The following PTTG1IP variants were observed in gnomAD, a reference collection of about 807,000 sequenced individuals.
PTTG1IP encodes the protein pituitary tumor-transforming gene 1 protein-interacting protein.
Under a neutral mutation model 24.4 loss-of-function variants are expected in PTTG1IP, and 16 were observed. The observed-to-expected ratio is 0.66, with a 90% CI of 0.44 to 1.00. The LOEUF is 1.00. Ranked by LOEUF, PTTG1IP falls within the 50% of genes least tolerant of loss-of-function variation. The pLI, the probability that PTTG1IP is intolerant of heterozygous loss-of-function variation, is 0.00. For synonymous variants in PTTG1IP, 89 were observed against 96.8 expected, an observed-to-expected ratio of 0.92 and a Z score of 0.47; for missense variants, 241 against 245.8, an observed-to-expected ratio of 0.98 and a Z score of 0.13.
rs1280195375 is a variant in PTTG1IP at position 44,855,156 on chromosome 21, A to C, written c.496+54T>G. 2.0e-6 allele frequency: 3 copies of C among 1,535,462 alleles called. No individual in the cohort carries two copies. The Admixed American group carries it at 5.0e-5, about 26-fold the overall frequency. On this transcript the variant is annotated intron_variant, in intron 5 of 5. Transcript: ENST00000330938. Reference sequence around the variant, plus strand: ...CACACTGGCACTAACGAGGACCGAGACAGCGTGCCATCGCCTCCCAACCAG... The same window carrying C: ...CACACTGGCACTAACGAGGACCGAGCCAGCGTGCCATCGCCTCCCAACCAG...
In PTTG1IP at chr21:44,868,296, A is replaced by G. The variant is rs2083558719; in HGVS notation, c.116-2849T>C. ...GGGCAAAGACCCCCGTGGTGCTGCA[A>G]TGTGACGGGCACCATGATGAACTCT... On this transcript the variant is annotated intron_variant, in intron 1 of 5. Transcript: ENST00000330938. 1.3e-5 allele frequency among the ~76,000 whole-genome samples: 2 copies of G among 152,220 alleles called. 1 individual carries two copies. Among genetic ancestry groups the G allele is most frequent in the South Asian group, 4.1e-4 (2 of 4,826 alleles).
At chr21:44,860,175 T>C (rs2083479280) in intron 3 of PTTG1IP, among the ~76,000 whole-genome samples, 1 of 152,150 alleles carries the variant, frequency 6.6e-6, no homozygotes, top group Non-Finnish European at 1.5e-5. Context: ...GAGACCATCC[T>C]GGCTAACACA....
intron 4 of PTTG1IP, among the ~76,000 whole-genome samples, chr21:44,855,742 C>T (rs1046823191): frequency 1.3e-5 from 2 of 152,000 alleles, no homozygotes; most frequent in Admixed American, 1.3e-4. Context: ...GTGTGGATTA[C>T]ACCACCTCCT....
At chr21:44,854,032 G>A (rs143828694) in intron 5 of PTTG1IP, among the ~76,000 whole-genome samples, 2,112 of 152,224 alleles carry the variant, frequency 0.014, 23 homozygotes, top group Non-Finnish European at 0.022. Flanking sequence ...GCCACCCAGC[G>A]TTTACAGTCC....
chr21:44,853,060 G>A (rs151238913), intron 5 of PTTG1IP, among the ~76,000 whole-genome samples: 1,548 of 152,334 alleles, frequency 0.01, 14 homozygotes, highest in Non-Finnish European at 0.015. Context: ...GAGCCTGGCC[G>A]GCCACCCACA....
intron 5 of PTTG1IP, among the ~76,000 whole-genome samples, chr21:44,853,872 G>A (rs1335893239): frequency 6.6e-6 from 1 of 152,224 alleles, no homozygotes; most frequent in Non-Finnish European, 1.5e-5. Flanking sequence ...GCATCTCGAG[G>A]CCAGCAGCCA....
intron 2 of PTTG1IP, among the ~76,000 whole-genome samples, chr21:44,862,272 G>C (rs2083498282): frequency 6.6e-6 from 1 of 152,254 alleles, no homozygotes; most frequent in Non-Finnish European, 1.5e-5. Context: ...TGTAATCCCA[G>C]CACTTTGGGA....
At position 44,872,688 on chromosome 21, in the gene PTTG1IP, G is replaced by C. The variant is rs773689094; in HGVS notation, c.115+814C>G. On this transcript the variant is annotated intron_variant, in intron 1 of 5. Transcript: ENST00000330938. ...AAACACTGCCGGTTTCTGGAACTCT[G>C]AGTCTCCTGTCATGCACTTTCCTCC... 2.0e-5 allele frequency among the ~76,000 whole-genome samples: 3 copies of C among 152,224 alleles called. No individual in the cohort carries two copies. In the South Asian group the frequency reaches 6.2e-4, roughly 32 times the overall value.
intron 5 of PTTG1IP, among the ~76,000 whole-genome samples, chr21:44,852,188 T>A (rs564172024): frequency 2.0e-4 from 30 of 152,060 alleles, no homozygotes; most frequent in Non-Finnish European, 3.2e-4. Context: ...CCTTTATTTT[T>A]TATTTTTTTT....
chr21:44,856,264 G>C lies in PTTG1IP; in HGVS notation c.378C>G (p.Ser126Arg). 6.2e-7 allele frequency: 1 copy of C among 1,614,072 alleles called. No homozygotes were observed. The highest frequency in any genetic ancestry group is 8.5e-7 in the Non-Finnish European group (1 of 1,179,990). The change falls in exon 4 of 6, where the codon AGC (serine) becomes AGG (arginine). Residue 126 changes from serine (S) to arginine (R), a missense_variant. Transcript: ENST00000330938. The stretch of plus-strand genomic sequence containing the variant: ...TCTCCTCACTCCTGTCCGGCTTCCG[G>C]CTCCTCTTCCTCCTGCAGCAGCAGC... Reference protein sequence around the residue: ...CCCCCCRRKRSRKPDRSEEKA... With the variant: ...CCCCCCRRKRRRKPDRSEEKA...
At chr21:44,859,178 C>A (rs1320182952) in intron 3 of PTTG1IP, among the ~76,000 whole-genome samples, 5 of 152,182 alleles carry the variant, frequency 3.3e-5, no homozygotes, top group African/African-American at 1.2e-4. Flanking sequence ...CGGGCACATG[C>A]TGAATAAAAC....
At chr21:44,853,419 A>T (rs1255138757) in intron 5 of PTTG1IP, among the ~76,000 whole-genome samples, 9 of 151,618 alleles carry the variant, frequency 5.9e-5, no homozygotes, top group African/African-American at 9.7e-5. Flanking sequence ...GAGGCAGAAG[A>T]ATGGTGTGAA....
intron 4 of PTTG1IP, 120 bp from the exon 5 acceptor site, chr21:44,855,376 G>C (rs1213782135): frequency 9.6e-7 from 1 of 1,039,218 alleles, no homozygotes; most frequent in African/African-American, 1.6e-5. Flanking sequence ...CTTCCCTCCA[G>C]TTCCCAGAGT....
chr21:44,854,527 C>A (rs1262633517), intron 5 of PTTG1IP, among the ~76,000 whole-genome samples: 2 of 152,144 alleles, frequency 1.3e-5, no homozygotes, highest in Non-Finnish European at 2.9e-5. Flanking sequence ...AGACTCTTTG[C>A]GGACTTTAAA....
chr21:44,855,304 G>C lies in PTTG1IP; in HGVS notation c.450-48C>G, dbSNP rs748577309. ...GAGCACCAAACGACAGCGCACGGTGGTGTAACTGCTAGACACGCCCTTCCG... is the reference window on the plus strand; with the variant it reads ...GAGCACCAAACGACAGCGCACGGTGCTGTAACTGCTAGACACGCCCTTCCG... On this transcript the variant is annotated intron_variant, in intron 4 of 5. Coordinates refer to ENST00000330938, the MANE Select transcript of PTTG1IP (RefSeq NM_004339.4). 4.0e-5 allele frequency: 62 copies of C among 1,561,346 alleles called. 1 individual carries two copies. In the South Asian group the frequency reaches 6.8e-4, roughly 17 times the overall value.
In PTTG1IP at chr21:44,851,582, T is replaced by C. The variant is rs139820526; in HGVS notation, c.542A>G (p.Ter181=). Residue 181 remains the stop codon, a stop_retained_variant, in exon 6 of 6, where the codon TAA becomes TGA. Coordinates refer to ENST00000330938, the MANE Select transcript of PTTG1IP (RefSeq NM_004339.4). The stretch of plus-strand genomic sequence containing the variant: ...TCGGGACTGATGTGCTGGAGCGCTT[T>C]AGTTGTTTTCAAATCTAGCATACGG... ...ENPYARFENN[*] 4 of 1,598,246 alleles carry C rather than the reference T, an allele frequency of 2.5e-6. No homozygotes were observed. Among genetic ancestry groups the C allele is most frequent in the African/African-American group, 1.3e-5 (1 of 74,720 alleles).
intron 4 of PTTG1IP, among the ~76,000 whole-genome samples, chr21:44,855,906 T>C (rs1429386779): frequency 6.6e-6 from 1 of 152,112 alleles, no homozygotes; most frequent in Non-Finnish European, 1.5e-5. Context: ...CGAGCCGCCT[T>C]AGCAGCCGTC....
chr21:44,851,584 G>C lies in PTTG1IP; in HGVS notation c.540C>G (p.Asn180Lys). The C allele has an allele frequency of 6.3e-7, 1 of 1,597,990 alleles. No homozygotes were observed. Among genetic ancestry groups the C allele is most frequent in the Non-Finnish European group, 8.6e-7 (1 of 1,166,354 alleles). ...GGGACTGATGTGCTGGAGCGCTTTA[G>C]TTGTTTTCAAATCTAGCATACGGGT... ...EENPYARFEN[N>K] Residue 180 changes from asparagine to lysine, a missense_variant, in exon 6 of 6, where the codon AAC becomes AAG. Physicochemically the swap from Asn to Lys is moderately conservative, Grantham distance 94 (BLOSUM62 0). Transcript: ENST00000330938.
intron 2 of PTTG1IP, among the ~76,000 whole-genome samples, chr21:44,863,273 CACAG>C (rs779206763): frequency 0.055 from 5,120 of 92,504 alleles, 530 homozygotes; most frequent in South Asian, 0.073. Context: ...GCCTCGGCAA[CACAG>C]AGACACACAG....
Sources: allele counts gnomAD v4.1 joint callset (sites outside exome capture counted in the v4.1 genomes callset), GRCh38; gene constraint gnomAD v4.1.1; transcripts MANE v1.5; gene names NCBI Gene and HGNC (gene_info 2026-07-23, HGNC 2026-07-21).